Variants in ASPA observed in about 807,000 individuals in gnomAD.
ASPA encodes the protein aspartoacylase, also known as ACY-2.
In ASPA, 25 loss-of-function variants were observed where a neutral mutation model predicts 29.6. That is an observed-to-expected ratio of 0.85 (90% CI 0.62 to 1.18). ASPA has a LOEUF of 1.18. Ranked by LOEUF, ASPA falls within the 50% of genes most tolerant of loss-of-function variation. The pLI, the probability that ASPA is intolerant of heterozygous loss-of-function variation, is 0.00. For synonymous variants in ASPA, 131 were observed against 130.3 expected (o/e 1.01, Z -0.04); for missense variants, 333 against 385.7 (o/e 0.86, Z 1.14).
intron 2 of ASPA, 146 bp downstream of exon 2, chr17:3,481,944 G>C: frequency 1.4e-6 from 1 of 738,148 alleles, no homozygotes; most frequent in Non-Finnish European, 2.2e-6. Flanking sequence ...TGGTTGGGGG[G>C]AAAGGGTGCT....
Position 3,483,513 on chromosome 17 carries a change from A to G in ASPA, c.447A>G (p.Pro149=), listed in dbSNP as rs760702576. 6 of 1,614,086 alleles carry G rather than the reference A, an allele frequency of 3.7e-6. No homozygotes were observed. In the South Asian group the frequency reaches 6.6e-5, roughly 18 times the overall value. ...MFHYIKTSLA[P]LPCYVYLIEH... is the part of the protein sequence containing the mutation. ...ATTTTTTTCAGACTTCTCTGGCTCCACTACCCTGCTACGTTTATCTGATTG... is the reference window on the plus strand; with the variant it reads ...ATTTTTTTCAGACTTCTCTGGCTCCGCTACCCTGCTACGTTTATCTGATTG... The change falls in exon 3 of 6, where the codon CCA becomes CCG. Residue 149 remains proline, a synonymous_variant. Coordinates refer to ENST00000263080, the MANE Select transcript of ASPA (RefSeq NM_000049.4).
chr17:3,482,641 T>C (rs960763281), intron 2 of ASPA, among the ~76,000 whole-genome samples: 3 of 152,174 alleles, frequency 2.0e-5, no homozygotes, highest in African/African-American at 7.2e-5. Context: ...AAGCCTTAAA[T>C]GACATAAAGT....
chr17:3,496,810 T>G (rs993658331), intron 5 of ASPA, among the ~76,000 whole-genome samples: 6 of 152,214 alleles, frequency 3.9e-5, no homozygotes, highest in African/African-American at 1.4e-4. Context: ...CTCACGCCTG[T>G]AATCCCAGCG....
At position 3,499,062 on chromosome 17, in the gene ASPA, A is replaced by G. The variant is rs780003521; in HGVS notation, c.916A>G (p.Lys306Glu). 5.0e-6 allele frequency: 8 copies of G among 1,614,050 alleles called. No homozygotes were observed. The highest frequency in any genetic ancestry group is 6.8e-6 in the Non-Finnish European group (8 of 1,180,036). The part of the protein sequence containing the change: ...AKTTKLTLNA[K>E]SIRCCLH Reference sequence around the variant, plus strand: ...GACAACTAAACTAACGCTCAATGCAAAAAGTATTCGCTGCTGTTTACATTA... The same window carrying G: ...GACAACTAAACTAACGCTCAATGCAGAAAGTATTCGCTGCTGTTTACATTA... The change falls in exon 6 of 6, where the codon AAA (lysine) becomes GAA (glutamate). Residue 306 changes from lysine to glutamate, a missense_variant. Physicochemically the swap from Lys to Glu is moderately conservative, Grantham distance 56. Transcript: ENST00000263080.
chr17:3,481,859 G>A (rs2073637253), intron 2 of ASPA, 61 bp downstream of exon 2: 1 of 1,402,178 alleles, frequency 7.1e-7, no homozygotes, highest in South Asian at 1.2e-5. Flanking sequence ...AGTCAATTAT[G>A]GATGTGAGAC....
Position 3,485,702 on chromosome 17 carries a change from T to G in ASPA, c.526+2110T>G, listed in dbSNP as rs773642133. Among the ~76,000 whole-genome samples, 37 of 152,170 alleles carry G rather than the reference T, an allele frequency of 2.4e-4. No individual in the cohort carries two copies. The highest frequency in any genetic ancestry group is 5.2e-4 in the Admixed American group (8 of 15,270). ...TCTCCTTATCAAGACCTGTCAAAGA[T>G]CTGAGAAATTTTACCCGACTTACAA... On this transcript the variant is annotated intron_variant, in intron 3 of 5. Coordinates refer to ENST00000263080, the MANE Select transcript of ASPA (RefSeq NM_000049.4). This position sits in a 1 kb window ranked among gnomAD's most constrained non-coding sequence, Gnocchi z 4.4.
At chr17:3,480,497 C>G (rs761718533) in intron 1 of ASPA, among the ~76,000 whole-genome samples, 2 of 150,940 alleles carry the variant, frequency 1.3e-5, no homozygotes, top group Admixed American at 6.6e-5. Flanking sequence ...ACCAGATAAG[C>G]CAGTTTATCC....
In ASPA at chr17:3,481,654, A is replaced by C. The variant is rs1305744939; in HGVS notation, c.288A>C (p.Ile96=). 1.2e-6 allele frequency: 2 copies of C among 1,613,916 alleles called. No individual in the cohort carries two copies. The highest frequency in any genetic ancestry group is 1.3e-5 in the African/African-American group (1 of 75,032). ...ATGAAGTGAGAAGGGCTCAAGAAATAAATCATTTATTTGGTCCAAAAGACA... is the reference window on the plus strand; with the variant it reads ...ATGAAGTGAGAAGGGCTCAAGAAATCAATCATTTATTTGGTCCAAAAGACA... The part of the protein sequence containing the change: ...LPYEVRRAQE[I]NHLFGPKDSE... The change falls in exon 2 of 6, where the codon ATA becomes ATC. Residue 96 remains isoleucine, a synonymous_variant. Transcript: ENST00000263080.
At chr17:3,498,815 T>C (rs2073951932) in intron 5 of ASPA, 76 bp from the exon 6 acceptor site, 1 of 1,301,010 alleles carries the variant, frequency 7.7e-7, no homozygotes, top group Non-Finnish European at 1.0e-6. Context: ...AATTTGTTAG[T>C]TGTCTAGAGT....
chr17:3,491,529 T>C (rs561745538), intron 4 of ASPA, among the ~76,000 whole-genome samples: 1 of 152,234 alleles, frequency 6.6e-6, no homozygotes, highest in Admixed American at 6.5e-5. Context: ...GGCAGATCAC[T>C]TGAGGTCAGG....
rs990214187 is a variant in ASPA, at chr17:3,499,189, C to G, written c.*101C>G. 1.0e-5 allele frequency: 13 copies of G among 1,271,592 alleles called. No individual in the cohort carries two copies. The highest frequency in any genetic ancestry group is 1.5e-5 in the African/African-American group (1 of 66,822). The allele number at this position is 1,271,592 out of a possible 1,614,324, so 78.8% of individuals were successfully genotyped here. A position where few individuals can be genotyped will look rare whatever the true frequency, so the allele number is the denominator to read the frequency against. On this transcript the variant is annotated 3_prime_UTR_variant, in exon 6 of 6. Coordinates refer to ENST00000263080, the MANE Select transcript of ASPA (RefSeq NM_000049.4). The stretch of plus-strand genomic sequence containing the variant: ...GTGCCTTATTCAACTGCATACATAG[C>G]TCCTAGCACAGTGCCTTATTCGGTA...
rs184635480 is a variant in ASPA, at chr17:3,496,832, C to T, written c.745-2059C>T. Among the ~76,000 whole-genome samples, 915 of 152,062 alleles carry T rather than the reference C, an allele frequency of 6.0e-3. 10 individuals carry two copies. The highest frequency in any genetic ancestry group is 0.021 in the African/African-American group (879 of 41,472). ...CTGTAATCCCAGCGCTTTGGGAGGCCGAGGCGGGCGGATCACGCGGTCAGG... is the reference window on the plus strand; with the variant it reads ...CTGTAATCCCAGCGCTTTGGGAGGCTGAGGCGGGCGGATCACGCGGTCAGG... On this transcript the variant is annotated intron_variant, in intron 5 of 5. Coordinates refer to ENST00000263080, the MANE Select transcript of ASPA (RefSeq NM_000049.4).
Position 3,485,121 on chromosome 17 carries a change from C to A in ASPA, c.526+1529C>A, listed in dbSNP as rs959798511. Among the ~76,000 whole-genome samples the A allele has an allele frequency of 2.6e-5, 4 of 152,068 alleles. No homozygotes were observed. The highest frequency in any genetic ancestry group is 1.3e-4 in the Admixed American group (2 of 15,260). On this transcript the variant is annotated intron_variant, in intron 3 of 5. Transcript: ENST00000263080. The surrounding 1 kb of genome is among the most constrained non-coding windows in gnomAD (Gnocchi z 4.4). ...GCAGCCTTGACCTCCTGGGCTCAGGCAATCCTCCCATCTCAGCCTCCCAAG... is the reference window on the plus strand; with the variant it reads ...GCAGCCTTGACCTCCTGGGCTCAGGAAATCCTCCCATCTCAGCCTCCCAAG...
At position 3,489,359 on chromosome 17, in the gene ASPA, G is replaced by A; in HGVS notation, c.634+17G>A. On this transcript the variant is annotated intron_variant, in intron 4 of 5. Transcript: ENST00000263080. ...TCAATGAAGGTAAGTAATAATGAAG[G>A]TAACGTTATCAAACTTAACCACCAA... The A allele has an allele frequency of 1.3e-6, 2 of 1,561,546 alleles. No homozygotes were observed. Among genetic ancestry groups the A allele is most frequent in the Non-Finnish European group, 1.8e-6 (2 of 1,132,536 alleles).
intron 5 of ASPA, among the ~76,000 whole-genome samples, 156 bp from the exon 6 acceptor site, chr17:3,498,735 C>T (rs1420887377): frequency 6.6e-6 from 1 of 152,208 alleles, no homozygotes; most frequent in Non-Finnish European, 1.5e-5. Context: ...CCAATGTCAG[C>T]GCAGTCAGAT....
At chr17:3,492,488 C>G (rs1179324075) in intron 4 of ASPA, among the ~76,000 whole-genome samples, 1 of 152,210 alleles carries the variant, frequency 6.6e-6, no homozygotes, top group East Asian at 1.9e-4. Flanking sequence ...CGTCCACATC[C>G]TGGCAGTGTG....
chr17:3,503,397 C>G lies in ASPA; in HGVS notation c.*4309C>G, dbSNP rs2074012445. ...TATTTACATTGGAATAAACTCTCTT[C>G]CTTCTGAATTCTGTAGTAAAAATGT... On this transcript the variant is annotated 3_prime_UTR_variant, in exon 6 of 6. Transcript: ENST00000263080. 2 of 152,258 alleles carry G rather than the reference C, an allele frequency of 1.3e-5. No homozygotes were observed. Among genetic ancestry groups the G allele is most frequent in the South Asian group, 4.1e-4 (2 of 4,828 alleles). The allele number at this position is 152,258 out of a possible 1,614,324, so 9.4% of individuals were successfully genotyped here.
chr17:3,497,712 C>T (rs1292204607), intron 5 of ASPA, among the ~76,000 whole-genome samples: 4 of 152,120 alleles, frequency 2.6e-5, no homozygotes, highest in African/African-American at 4.8e-5. Context: ...TGCACGTGAA[C>T]GTCAAGGACC....
chr17:3,475,703 G>A (rs560680701), upstream of ASPA: 10 of 181,540 alleles, frequency 5.5e-5, no homozygotes, highest in African/African-American at 2.2e-4. Context: ...TGAAATGCCC[G>A]TGGAAATACT....
Sources: gnomAD v4.1 joint callset for allele counts (sites outside exome capture counted in the v4.1 genomes callset) on GRCh38, gnomAD v4.1.1 for gene constraint, Gnocchi (gnomAD v3.1) non-coding constraint, MANE v1.5 for transcripts, NCBI Gene and HGNC (gene_info 2026-07-23, HGNC 2026-07-21) for gene names.